Variants in KAT6A observed in about 807,000 individuals in gnomAD.
KAT6A encodes the protein histone acetyltransferase KAT6A.
KAT6A carries 9 observed loss-of-function variants against 198.4 expected under a neutral mutation model. The ratio of observed to expected loss-of-function variants is 0.05; its 90% confidence interval spans 0.03 to 0.08. The LOEUF (loss-of-function observed/expected upper bound fraction) is 0.08, where lower values mean the gene tolerates loss of function less well. Ranked by LOEUF, KAT6A falls within the 10% of genes least tolerant of loss-of-function variation. KAT6A has a pLI of 1.00. For synonymous variants in KAT6A, 890 were observed against 883.0 expected, an observed-to-expected ratio of 1.01 and a Z score of -0.14; for missense variants, 2,077 against 2,509.9, an observed-to-expected ratio of 0.83 and a Z score of 3.69.
rs141610909 is a variant in KAT6A at position 41,934,828 on chromosome 8, C to T, written c.3392G>A (p.Arg1131His). 58 of 1,612,476 alleles carry T rather than the reference C, an allele frequency of 3.6e-5. No homozygotes were observed. In the African/African-American group the frequency reaches 5.9e-4, roughly 16 times the overall value. Residue 1131 changes from arginine to histidine, a missense_variant, in exon 17 of 17, where the codon CGT becomes CAT. Around this residue, in one of 13 missense-constraint regions of KAT6A, gnomAD observed 375 missense variants for 383.0 expected, o/e 0.98. Transcript: ENST00000265713. ...ILKPVSLLRKRDVKNSPLEPD... is the reference protein window; with the variant it reads ...ILKPVSLLRKHDVKNSPLEPD... The stretch of plus-strand genomic sequence containing the variant: ...CTCAAGAGGAGAATTCTTCACATCA[C>T]GTTTTCGCAAAAGAGATACTGGCTT...
chr8:41,985,606 G>A (rs1240573147), intron 3 of KAT6A, among the ~76,000 whole-genome samples: 1 of 152,118 alleles, frequency 6.6e-6, no homozygotes, highest in Non-Finnish European at 1.5e-5. Flanking sequence ...CAACTACAGA[G>A]CGCAACTGTT....
At position 41,977,437 on chromosome 8, in the gene KAT6A, ATAT is replaced by A. The variant is rs1201015191; in HGVS notation, c.1044-113_1044-111del. 7.3e-5 allele frequency: 48 copies of A among 653,924 alleles called. No homozygotes were observed. In the African/African-American group the frequency reaches 8.2e-4, roughly 11 times the overall value. The allele number at this position is 653,924 out of a possible 1,614,324, so 40.5% of individuals were successfully genotyped here. A position where few individuals can be genotyped will look rare whatever the true frequency, so the allele number is the denominator to read the frequency against. On this transcript the variant is annotated intron_variant, in intron 6 of 16. Coordinates refer to ENST00000265713, the MANE Select transcript of KAT6A (RefSeq NM_006766.5). ...GTAACCTACAGCTTTATTAAAATCT[ATAT>A]TATTAAGAATATTCTGCAAACTATA...
chr8:41,966,707 CTA>C (rs1005344704), intron 8 of KAT6A, among the ~76,000 whole-genome samples: 38 of 152,082 alleles, frequency 2.5e-4, no homozygotes, highest in Non-Finnish European at 2.9e-5. Context: ...CAGCAATGCA[CTA>C]TGTTTCATTG....
chr8:42,051,263 G>A (rs1183121717), intron 1 of KAT6A, among the ~76,000 whole-genome samples: 1 of 151,670 alleles, frequency 6.6e-6, no homozygotes, highest in Non-Finnish European at 1.5e-5. Flanking sequence ...CCCCTCGGCG[G>A]CTGGGCTGAC....
At chr8:41,947,089 C>T (rs1325042554) in intron 11 of KAT6A, among the ~76,000 whole-genome samples, 2 of 152,182 alleles carry the variant, frequency 1.3e-5, no homozygotes, top group African/African-American at 4.8e-5. Context: ...CTCTGGTGCT[C>T]CTCAGAGCAG....
intron 2 of KAT6A, among the ~76,000 whole-genome samples, chr8:41,993,488 T>C (rs1301890918): frequency 6.6e-6 from 1 of 152,234 alleles, no homozygotes; most frequent in African/African-American, 2.4e-5. Flanking sequence ...TGCTCCCCAC[T>C]GAAGATGCAT....
At chr8:41,969,284 A>G (rs1287472546) in intron 8 of KAT6A, among the ~76,000 whole-genome samples, 1 of 152,238 alleles carries the variant, frequency 6.6e-6, no homozygotes, top group Non-Finnish European at 1.5e-5. Context: ...GCTCTCAAAA[A>G]TGACTTTCTG....
chr8:42,020,582 T>C (rs998212657), intron 2 of KAT6A, among the ~76,000 whole-genome samples: 2 of 152,162 alleles, frequency 1.3e-5, no homozygotes, highest in African/African-American at 2.4e-5. Flanking sequence ...GTCAGGGACA[T>C]AGACGTTCAG....
intron 16 of KAT6A, among the ~76,000 whole-genome samples, chr8:41,935,863 T>C (rs545215885): frequency 6.6e-6 from 1 of 152,332 alleles, no homozygotes; most frequent in South Asian, 2.1e-4. Flanking sequence ...ATTTACAAAA[T>C]AAATTTTTAG....
In KAT6A at chr8:41,930,391, A is replaced by G. The variant is rs1821468879; in HGVS notation, c.*1814T>C. 4.4e-6 allele frequency: 1 copy of G among 227,126 alleles called. No homozygotes were observed. The highest frequency in any genetic ancestry group is 8.8e-6 in the Non-Finnish European group (1 of 114,228). 14.1% of individuals were successfully genotyped at this position (227,126 alleles called of 1,614,324 possible). ...AACTGGGTCCTACACAGCCTTGCAC[A>G]TGCTCAGAGCTGAGAGCGGGAAGAT... On this transcript the variant is annotated 3_prime_UTR_variant, in exon 17 of 17. Transcript: ENST00000265713.
intron 2 of KAT6A, among the ~76,000 whole-genome samples, chr8:41,989,524 A>G (rs1564046962): frequency 1.4e-5 from 2 of 146,030 alleles, no homozygotes; most frequent in Non-Finnish European, 3.0e-5. Flanking sequence ...AAATAACATA[A>G]CGTAACGTGA....
At chr8:41,945,244 T>C (rs1822317074) in intron 12 of KAT6A, among the ~76,000 whole-genome samples, 1 of 151,690 alleles carries the variant, frequency 6.6e-6, no homozygotes, top group Admixed American at 6.6e-5. Flanking sequence ...CTCAGATAAC[T>C]GGATAACAAA....
At chr8:42,041,729 C>T (rs1186556612) in intron 2 of KAT6A, among the ~76,000 whole-genome samples, 2 of 150,592 alleles carry the variant, frequency 1.3e-5, no homozygotes, top group Non-Finnish European at 3.0e-5. Context: ...CAGAGCAAGA[C>T]TCCATCTCAA....
At chr8:42,045,562 C>CAAAAAA (rs373672997) in intron 2 of KAT6A, among the ~76,000 whole-genome samples, 1 of 74,074 alleles carries the variant, frequency 1.3e-5, no homozygotes, top group African/African-American at 4.7e-5. Context: ...AATTCCATCT[C>CAAAAAA]AAAAAAAAAA....
intron 2 of KAT6A, among the ~76,000 whole-genome samples, chr8:41,997,022 G>C (rs1825247615): frequency 6.6e-6 from 1 of 152,138 alleles, no homozygotes; most frequent in Admixed American, 6.5e-5. Flanking sequence ...AAGGCCATGG[G>C]AAGTGGAGAA....
rs556841629 is a variant in KAT6A, at chr8:41,932,416, C to T, written c.5804G>A (p.Ser1935Asn). ...YRMTQPMMNS[S>N]YHSNPAYMNQ... is the part of the protein sequence containing the mutation. ...CATGTAGGCAGGGTTACTATGGTAA[C>T]TGCTGTTCATCATGGGCTGTGTCAT... is the stretch of plus-strand genomic sequence containing the variant. Residue 1935 changes from serine to asparagine, a missense_variant, in exon 17 of 17, where the codon AGT becomes AAT. Ser to Asn is a conservative substitution (Grantham distance 46). Transcript: ENST00000265713. 1 of 1,614,230 alleles carries T rather than the reference C, an allele frequency of 6.2e-7. No individual in the cohort carries two copies. Among genetic ancestry groups the T allele is most frequent in the Admixed American group, 1.7e-5 (1 of 60,022 alleles).
At chr8:42,051,485 G>A (rs1194073766) in intron 1 of KAT6A, among the ~76,000 whole-genome samples, 3 of 146,990 alleles carry the variant, frequency 2.0e-5, no homozygotes, top group Admixed American at 2.0e-4. Flanking sequence ...CGCGCGCGGC[G>A]GGCGGGTGGG....
At chr8:41,985,240 A>G (rs1824546896) in intron 3 of KAT6A, among the ~76,000 whole-genome samples, 1 of 152,134 alleles carries the variant, frequency 6.6e-6, no homozygotes, top group South Asian at 2.1e-4. Context: ...CTAATCTTTC[A>G]TGATTTACGG....
intron 2 of KAT6A, among the ~76,000 whole-genome samples, chr8:41,998,438 T>G (rs1185716203): frequency 6.6e-6 from 1 of 152,120 alleles, no homozygotes; most frequent in Non-Finnish European, 1.5e-5. Context: ...CATGTCAATT[T>G]TACCAAGTTT....
Sources: gnomAD v4.1 joint callset for allele counts (sites outside exome capture counted in the v4.1 genomes callset) on GRCh38, gnomAD v4.1.1 for gene constraint, gnomAD v4.1.1 regional missense constraint, MANE v1.5 for transcripts, NCBI Gene and HGNC (gene_info 2026-07-23, HGNC 2026-07-21) for gene names.